IL17RA: variants seen among roughly 807,000 people sequenced by gnomAD.
IL17RA encodes interleukin 17 receptor A.
Under a neutral mutation model 50.4 loss-of-function variants are expected in IL17RA, and 34 were observed. The ratio of observed to expected loss-of-function variants is 0.67; its 90% CI spans 0.51 to 0.90. The LOEUF (loss-of-function observed/expected upper bound fraction) is 0.90. Among genes scored for constraint, IL17RA ranks in the 40% least tolerant of loss-of-function variants. IL17RA has a pLI of 0.00. For missense variants in IL17RA, 1,276 were observed against 1,169.8 expected (o/e 1.09, Z -1.32); for synonymous variants, 585 against 510.4 (o/e 1.15, Z -1.97).
chr22:17,102,203 C>T lies in IL17RA; in HGVS notation c.663C>T (p.Phe221=). 2 of 1,614,212 alleles carry T rather than the reference C, an allele frequency of 1.2e-6. No homozygotes were observed. The highest frequency in any genetic ancestry group is 1.7e-6 in the Non-Finnish European group (2 of 1,180,036). Residue 221 remains phenylalanine, a synonymous_variant, in exon 7 of 13, where the codon TTC becomes TTT. Coordinates refer to ENST00000319363, the MANE Select transcript of IL17RA (RefSeq NM_014339.7). ...TLEAHQLRVS[F]TLWNESTHYQ... is the part of the protein sequence containing the mutation. ...AGGCCCACCAGCTGCGTGTGAGCTT[C>T]ACCCTGTGGAACGAATCTACCCATT...
chr22:17,097,612 A>G, intron 2 of IL17RA, 185 bp from the exon 3 acceptor site: 1 of 635,952 alleles, frequency 1.6e-6, no homozygotes, highest in Non-Finnish European at 2.7e-6. Context: ...AGAGGTTTGC[A>G]GTGACCCCAG....
Position 17,111,055 on chromosome 22 carries a change from G to A in IL17RA, c.*1235G>A, listed in dbSNP as rs2061440445. The A allele has an allele frequency of 6.7e-6, 1 of 148,320 alleles. No individual in the cohort carries two copies. The highest frequency in any genetic ancestry group is 1.5e-5 in the Non-Finnish European group (1 of 67,326). The allele number at this position is 148,320 out of a possible 1,614,324, so 9.2% of individuals were successfully genotyped here. A position where few individuals can be genotyped will look rare whatever the true frequency, so the allele number is the denominator to read the frequency against. On this transcript the variant is annotated 3_prime_UTR_variant, in exon 13 of 13. Transcript: ENST00000319363. ...TGGTGGAGCCTGGAGGGGAAGGAGGGAGGCAGTGAGAGAGATCGGGGTGGG... is the reference window on the plus strand; with the variant it reads ...TGGTGGAGCCTGGAGGGGAAGGAGGAAGGCAGTGAGAGAGATCGGGGTGGG...
chr22:17,098,745 T>C, intron 3 of IL17RA, 30 bp from the exon 4 acceptor site: 1 of 1,574,720 alleles, frequency 6.4e-7, no homozygotes, highest in Non-Finnish European at 8.7e-7. Flanking sequence ...GATCTGCATC[T>C]GTTTGTCTTC....
chr22:17,106,071 C>A, intron 11 of IL17RA, 117 bp downstream of exon 11: 1 of 788,094 alleles, frequency 1.3e-6, no homozygotes, highest in South Asian at 1.4e-5. Flanking sequence ...AGAACCACGT[C>A]ATAAAGCTGT....
In IL17RA at chr22:17,110,053, T is replaced by C; in HGVS notation, c.*233T>C. On this transcript the variant is annotated 3_prime_UTR_variant, in exon 13 of 13. Coordinates refer to ENST00000319363, the MANE Select transcript of IL17RA (RefSeq NM_014339.7). ...CACACAGCCCGCTCCCAGGAGCTAA[T>C]GGTAGAGCGTCCTTGAGGCTCCATT... 1.7e-6 allele frequency: 1 copy of C among 574,356 alleles called. No individual in the cohort carries two copies. The highest frequency in any genetic ancestry group is 2.0e-5 in the South Asian group (1 of 49,296). The allele number at this position is 574,356 out of a possible 1,614,324, so 35.6% of individuals were successfully genotyped here.
At chr22:17,097,228 AT>A in intron 2 of IL17RA, 142 bp downstream of exon 2, 1 of 785,156 alleles carries the variant, frequency 1.3e-6, no homozygotes. Flanking sequence ...TTCCCGGAGA[AT>A]TGTGGATGCG....
chr22:17,087,917 G>A (rs1054083252), intron 1 of IL17RA, among the ~76,000 whole-genome samples: 1 of 152,194 alleles, frequency 6.6e-6, no homozygotes, highest in Non-Finnish European at 1.5e-5. Context: ...ACTTGTGGTT[G>A]TAGAACAGCT....
intron 2 of IL17RA, 156 bp from the exon 3 acceptor site, chr22:17,097,641 G>T: frequency 5.3e-6 from 4 of 754,272 alleles, no homozygotes; most frequent in Non-Finnish European, 8.9e-6. Flanking sequence ...AGAGAAGAGG[G>T]AGCAGGGCAG....
Position 17,112,944 on chromosome 22 carries a change from C to T in IL17RA, c.*3124C>T, listed in dbSNP as rs1246590722. 4 of 151,810 alleles carry T rather than the reference C, an allele frequency of 2.6e-5. No individual in the cohort carries two copies. The highest frequency in any genetic ancestry group is 5.9e-5 in the Non-Finnish European group (4 of 67,992). The allele number at this position is 151,810 out of a possible 1,614,324, so 9.4% of individuals were successfully genotyped here. On this transcript the variant is annotated 3_prime_UTR_variant, in exon 13 of 13. Coordinates refer to ENST00000319363, the MANE Select transcript of IL17RA (RefSeq NM_014339.7). ...CAGCCACCAACAAGCTCCCAACTCCCGCGTAGAGTTTCATGACTTTTTCCT... is the reference window on the plus strand; with the variant it reads ...CAGCCACCAACAAGCTCCCAACTCCTGCGTAGAGTTTCATGACTTTTTCCT...
chr22:17,110,612 T>G lies in IL17RA; in HGVS notation c.*792T>G, dbSNP rs563835497. On this transcript the variant is annotated 3_prime_UTR_variant, in exon 13 of 13. Transcript: ENST00000319363. ...GGGAAGGCGAGGCAGGTGGATTGCTTGAGCTCAGGAGTTCAAGACCAGCCT... is the reference window on the plus strand; with the variant it reads ...GGGAAGGCGAGGCAGGTGGATTGCTGGAGCTCAGGAGTTCAAGACCAGCCT... The G allele has an allele frequency of 6.6e-6, 1 of 151,942 alleles. No homozygotes were observed. Among genetic ancestry groups the G allele is most frequent in the African/African-American group, 2.4e-5 (1 of 41,014 alleles). 9.4% of individuals were successfully genotyped at this position (151,942 alleles called of 1,614,324 possible). A position where few individuals can be genotyped will look rare whatever the true frequency, so the allele number is the denominator to read the frequency against.
Position 17,110,060 on chromosome 22 carries a change from G to A in IL17RA, c.*240G>A. 1 of 567,072 alleles carries A rather than the reference G, an allele frequency of 1.8e-6. No individual in the cohort carries two copies. Among genetic ancestry groups the A allele is most frequent in the Admixed American group, 3.1e-5 (1 of 32,494 alleles). The allele number at this position is 567,072 out of a possible 1,614,324, so 35.1% of individuals were successfully genotyped here. A position where few individuals can be genotyped will look rare whatever the true frequency, so the allele number is the denominator to read the frequency against. On this transcript the variant is annotated 3_prime_UTR_variant, in exon 13 of 13. Transcript: ENST00000319363. The stretch of plus-strand genomic sequence containing the variant: ...CCCGCTCCCAGGAGCTAATGGTAGA[G>A]CGTCCTTGAGGCTCCATTATTCGTT...
At chr22:17,100,582 C>A in intron 5 of IL17RA, 101 bp downstream of exon 5, 1 of 1,470,346 alleles carries the variant, frequency 6.8e-7, no homozygotes, top group Non-Finnish European at 9.4e-7. Context: ...AAGACATTGG[C>A]TGGCATTGCC....
intron 1 of IL17RA, among the ~76,000 whole-genome samples, chr22:17,088,571 C>T (rs893308255): frequency 1.4e-4 from 21 of 152,214 alleles, no homozygotes; most frequent in Non-Finnish European, 2.4e-4. Flanking sequence ...CTGCAACATC[C>T]ACCTCCCAGG....
At chr22:17,099,964 T>C (rs2061383840) in intron 4 of IL17RA, among the ~76,000 whole-genome samples, 1 of 152,032 alleles carries the variant, frequency 6.6e-6, no homozygotes, top group South Asian at 2.1e-4. Context: ...ATTTGACAAA[T>C]AGTTTTTACC....
At chr22:17,093,025 G>T (rs12159217) in intron 1 of IL17RA, among the ~76,000 whole-genome samples, 16,474 of 151,890 alleles carry the variant, frequency 0.11, 954 homozygotes, top group African/African-American at 0.12. Flanking sequence ...TCTCTTCGGG[G>T]CTATAATAAT....
intron 2 of IL17RA, chr22:17,097,515 C>A: frequency 1.8e-6 from 1 of 557,912 alleles, no homozygotes; most frequent in Non-Finnish European, 3.2e-6. Flanking sequence ...AACTGCATCC[C>A]TCCTGTGCCC....
chr22:17,085,609 G>A (rs1398869604), intron 1 of IL17RA, among the ~76,000 whole-genome samples: 1 of 152,164 alleles, frequency 6.6e-6, no homozygotes, highest in Non-Finnish European at 1.5e-5. Context: ...TGTGGAGAAG[G>A]GGCCCGGGGA....
At chr22:17,097,359 A>C in intron 2 of IL17RA, 1 of 540,682 alleles carries the variant, frequency 1.8e-6, no homozygotes, top group Non-Finnish European at 3.3e-6. Context: ...TCTATAATAT[A>C]ATTTGATTTG....
At chr22:17,101,965 T>G (rs937499689) in intron 5 of IL17RA, 31 bp from the exon 6 acceptor site, 1 of 1,614,062 alleles carries the variant, frequency 6.2e-7, no homozygotes, top group African/African-American at 1.3e-5. Context: ...AGGCAGAGGC[T>G]TAATGAGTTT....
Sources: gnomAD v4.1 joint callset for allele counts (sites outside exome capture counted in the v4.1 genomes callset) on GRCh38, gnomAD v4.1.1 for gene constraint, MANE v1.5 for transcripts, NCBI Gene and HGNC (gene_info 2026-07-23, HGNC 2026-07-21) for gene names.